The following CHRM2 variants were observed in gnomAD, a reference collection of about 807,000 sequenced individuals.
CHRM2 encodes cholinergic receptor muscarinic 2, also known as muscarinic acetylcholine receptor M2.
CHRM2 carries 8 observed loss-of-function variants against 25.0 expected under a neutral mutation model. That is an observed-to-expected ratio of 0.32 (90% confidence interval 0.19 to 0.58). CHRM2 has a LOEUF of 0.58. CHRM2 is among the 20% of genes least tolerant of loss of function. CHRM2 has a pLI of 0.88. For synonymous variants in CHRM2, 202 were observed against 205.7 expected, an observed-to-expected ratio of 0.98 and a Z score of 0.15; for missense variants, 440 against 567.1, an observed-to-expected ratio of 0.78 and a Z score of 2.28.
At chr7:136,895,802 A>C (rs577960640) in intron 2 of CHRM2, among the ~76,000 whole-genome samples, 58 of 152,318 alleles carry the variant, frequency 3.8e-4, no homozygotes, top group African/African-American at 1.3e-3. Flanking sequence ...GTTTAGAAAT[A>C]CAAAGCTCGG....
At chr7:136,874,503 TA>T (rs1255626691) in intron 2 of CHRM2, among the ~76,000 whole-genome samples, 1 of 151,908 alleles carries the variant, frequency 6.6e-6, no homozygotes, top group African/African-American at 2.4e-5. Flanking sequence ...CTTTCATTAG[TA>T]ATGGAATTCC....
chr7:137,016,228 C>A lies in CHRM2; in HGVS notation c.1363C>A (p.Leu455Ile), dbSNP rs1470994649. ...ATFKKTFKHLLMCHYKNIGAT... is the reference protein window; with the variant it reads ...ATFKKTFKHLIMCHYKNIGAT... Reference sequence around the variant, plus strand: ...CTTCAAGAAGACCTTTAAACACCTTCTCATGTGTCATTATAAGAACATAGG... The same window carrying A: ...CTTCAAGAAGACCTTTAAACACCTTATCATGTGTCATTATAAGAACATAGG... The change falls in exon 4 of 4, where the codon CTC becomes ATC. Residue 455 changes from leucine to isoleucine, a missense_variant. Physicochemically the swap from Leu to Ile is conservative, Grantham distance 5. Coordinates refer to ENST00000680005, the MANE Select transcript of CHRM2 (RefSeq NM_001006630.2). The A allele has an allele frequency of 3.1e-6, 5 of 1,612,844 alleles. No individual in the cohort carries two copies. Among genetic ancestry groups the A allele is most frequent in the Non-Finnish European group, 4.2e-6 (5 of 1,179,274 alleles).
At chr7:137,009,209 A>G (rs999925566) in intron 3 of CHRM2, among the ~76,000 whole-genome samples, 1 of 152,078 alleles carries the variant, frequency 6.6e-6, no homozygotes, top group Non-Finnish European at 1.5e-5. Context: ...TGTTTTTTAT[A>G]TAATTCTCCG....
At chr7:136,967,849 T>C (rs1219626004) in intron 2 of CHRM2, among the ~76,000 whole-genome samples, 1 of 152,032 alleles carries the variant, frequency 6.6e-6, no homozygotes, top group South Asian at 2.1e-4. Flanking sequence ...TATCTTCTAA[T>C]ATGATTCCAT....
At chr7:136,947,809 G>T (rs1323159955) in intron 2 of CHRM2, among the ~76,000 whole-genome samples, 2 of 152,146 alleles carry the variant, frequency 1.3e-5, no homozygotes, top group Non-Finnish European at 2.9e-5. Flanking sequence ...AGAGTCAGGA[G>T]AAAATCTTGG....
At chr7:136,898,163 A>G (rs1411295584) in intron 2 of CHRM2, among the ~76,000 whole-genome samples, 1 of 152,278 alleles carries the variant, frequency 6.6e-6, no homozygotes, top group African/African-American at 2.4e-5. Context: ...GCAAATTATA[A>G]AATAGTTTTA....
intron 2 of CHRM2, among the ~76,000 whole-genome samples, chr7:136,926,215 C>T (rs1798741991): frequency 6.6e-6 from 1 of 151,598 alleles, no homozygotes; most frequent in Non-Finnish European, 1.5e-5. Flanking sequence ...GACAGTAAGA[C>T]AGAGTAAGAC....
intron 2 of CHRM2, among the ~76,000 whole-genome samples, chr7:136,923,477 A>C (rs1458943704): frequency 6.6e-6 from 1 of 152,074 alleles, no homozygotes; most frequent in Non-Finnish European, 1.5e-5. Flanking sequence ...TTTCAATCCA[A>C]TCAATTTTTT....
At chr7:136,921,869 C>T (rs912262902) in intron 2 of CHRM2, among the ~76,000 whole-genome samples, 1 of 150,770 alleles carries the variant, frequency 6.6e-6, no homozygotes, top group Non-Finnish European at 1.5e-5. Context: ...GCAACCTTCC[C>T]CTCCCAGGTT....
At chr7:136,945,600 C>G (rs941086607) in intron 2 of CHRM2, among the ~76,000 whole-genome samples, 10 of 151,994 alleles carry the variant, frequency 6.6e-5, no homozygotes, top group Non-Finnish European at 5.9e-5. Flanking sequence ...TATACTAGTT[C>G]CTTGCTGTTT....
rs573625048 is a variant in CHRM2, at chr7:137,009,663, G to A, written c.-46-5157G>A. Among the ~76,000 whole-genome samples, 86 of 152,160 alleles carry A rather than the reference G, an allele frequency of 5.7e-4. 1 individual carries two copies. The highest frequency in any genetic ancestry group is 1.8e-3 in the Admixed American group (28 of 15,266). ...CCAAAAACTGAGTATTCATAGTAGA[G>A]TCTGGAGTTGGGTGCCCTTGGTTTG... On this transcript the variant is annotated intron_variant, in intron 3 of 3. Coordinates refer to ENST00000680005, the MANE Select transcript of CHRM2 (RefSeq NM_001006630.2).
rs182511602 is a variant in CHRM2 at position 136,873,104 on chromosome 7, C to T, written c.-125+3686C>T. On this transcript the variant is annotated intron_variant, in intron 2 of 3. Coordinates refer to ENST00000680005, the MANE Select transcript of CHRM2 (RefSeq NM_001006630.2). ...GACATGGACTCTCCGTGGCATAGTT[C>T]CCAAGAGACTCCTATGTATCGAAAG... Among the ~76,000 whole-genome samples, 720 of 152,280 alleles carry T rather than the reference C, an allele frequency of 4.7e-3. 4 individuals carry two copies. Among genetic ancestry groups the T allele is most frequent in the Non-Finnish European group, 7.6e-3 (514 of 68,022 alleles).
rs1805124226 is a variant in CHRM2 at position 137,015,619 on chromosome 7, G to A, written c.754G>A (p.Asp252Asn). ...AAACAATAACAACATGCCCAGCAGT[G>A]ACGATGGCCTGGAGCACAACAAAAT... ...KPNNNNMPSS[D>N]DGLEHNKIQN... Residue 252 changes from aspartate (D) to asparagine (N), a missense_variant, in exon 4 of 4, where the codon GAC (aspartate) becomes AAC (asparagine). Asp to Asn is a conservative substitution (Grantham distance 23). Around this residue, in one of 5 missense-constraint regions of CHRM2, gnomAD observed 261 missense variants for 261.8 expected, o/e 1.00. Coordinates refer to ENST00000680005, the MANE Select transcript of CHRM2 (RefSeq NM_001006630.2). The surrounding 1 kb of genome is among the most constrained non-coding windows in gnomAD (Gnocchi z 5.1). 1 of 1,613,038 alleles carries A rather than the reference G, an allele frequency of 6.2e-7. No individual in the cohort carries two copies. Among genetic ancestry groups the A allele is most frequent in the Non-Finnish European group, 8.5e-7 (1 of 1,179,564 alleles).
intron 2 of CHRM2, among the ~76,000 whole-genome samples, chr7:136,964,746 TTC>T (rs1347405175): frequency 6.6e-6 from 1 of 152,166 alleles, no homozygotes; most frequent in East Asian, 1.9e-4. Flanking sequence ...CCACTCTCTC[TTC>T]TCTCTGTGAC....
intron 2 of CHRM2, among the ~76,000 whole-genome samples, chr7:136,894,301 T>C (rs1181084663): frequency 6.6e-6 from 1 of 152,148 alleles, no homozygotes. Flanking sequence ...ACATAGAAAA[T>C]ATAATCTTAG....
intron 2 of CHRM2, among the ~76,000 whole-genome samples, chr7:136,933,679 A>G (rs1186690377): frequency 6.6e-6 from 1 of 152,216 alleles, no homozygotes; most frequent in Non-Finnish European, 1.5e-5. Flanking sequence ...GATTTTTATT[A>G]ACTGATGAAT....
rs964904312 is a variant in CHRM2 at position 136,976,379 on chromosome 7, T to C, written c.-124-15808T>C. Among the ~76,000 whole-genome samples, 16 of 152,208 alleles carry C rather than the reference T, an allele frequency of 1.1e-4. No individual in the cohort carries two copies. In the East Asian group the frequency reaches 1.7e-3, roughly 17 times the overall value. Reference sequence around the variant, plus strand: ...TAATGAAATTAATATTAGCTGAAAGTTGGTACCTATTGTGCTAGATACTTA... The same window carrying C: ...TAATGAAATTAATATTAGCTGAAAGCTGGTACCTATTGTGCTAGATACTTA... On this transcript the variant is annotated intron_variant, in intron 2 of 3. Coordinates refer to ENST00000680005, the MANE Select transcript of CHRM2 (RefSeq NM_001006630.2).
At chr7:136,900,632 C>T (rs976525862) in intron 2 of CHRM2, among the ~76,000 whole-genome samples, 3 of 152,032 alleles carry the variant, frequency 2.0e-5, no homozygotes, top group African/African-American at 7.2e-5. Flanking sequence ...GAGACTGGAG[C>T]TTACACACAT....
chr7:136,890,104 C>T (rs1254264673), intron 2 of CHRM2, among the ~76,000 whole-genome samples: 1 of 152,142 alleles, frequency 6.6e-6, no homozygotes, highest in African/African-American at 2.4e-5. Context: ...AGGTTATTGC[C>T]AAATTATCAA....
Sources: allele counts gnomAD v4.1 joint callset (sites outside exome capture counted in the v4.1 genomes callset), GRCh38; gene constraint gnomAD v4.1.1; regional missense constraint gnomAD v4.1.1; non-coding constraint Gnocchi (gnomAD v3.1); transcripts MANE v1.5; gene names NCBI Gene and HGNC (gene_info 2026-07-23, HGNC 2026-07-21).